The following SBF2 variants were observed in gnomAD, a reference collection of about 807,000 sequenced individuals.
SBF2 encodes the protein SET binding factor 2, also known as myotubularin-related protein 13.
SBF2 carries 112 observed loss-of-function variants against 225.2 expected under a neutral mutation model. That is an observed-to-expected ratio of 0.50 (90% confidence interval 0.43 to 0.58). The LOEUF is 0.58. Ranked by LOEUF, SBF2 falls within the 20% of genes least tolerant of loss-of-function variation. The pLI, the probability that SBF2 is intolerant of heterozygous loss-of-function variation, is 0.00. For synonymous variants in SBF2, 763 were observed against 773.3 expected, an observed-to-expected ratio of 0.99 and a Z score of 0.22; for missense variants, 1,996 against 2,206.2, an observed-to-expected ratio of 0.90 and a Z score of 1.91.
chr11:9,941,485 C>T (rs1173497402), intron 16 of SBF2, among the ~76,000 whole-genome samples: 5 of 152,212 alleles, frequency 3.3e-5, no homozygotes, highest in South Asian at 4.1e-4. Flanking sequence ...CATTTTTTGA[C>T]GTTAGTATAA....
intron 2 of SBF2, among the ~76,000 whole-genome samples, chr11:10,188,899 A>G (rs540769130): frequency 6.6e-6 from 1 of 152,316 alleles, no homozygotes; most frequent in East Asian, 1.9e-4. Context: ...TATAGTTCTT[A>G]GTATGTTTTA....
intron 13 of SBF2, among the ~76,000 whole-genome samples, chr11:9,984,611 G>A (rs1174159036): frequency 6.6e-6 from 1 of 152,074 alleles, no homozygotes; most frequent in Non-Finnish European, 1.5e-5. Context: ...AAAGATCTTC[G>A]CCTAGGCACA....
At chr11:10,159,650 C>CAT (rs1955638599) in intron 2 of SBF2, among the ~76,000 whole-genome samples, 1 of 152,124 alleles carries the variant, frequency 6.6e-6, no homozygotes, top group Admixed American at 6.5e-5. Context: ...TGCTTGTAAC[C>CAT]CTAGCACTTT....
intron 2 of SBF2, among the ~76,000 whole-genome samples, chr11:10,064,136 G>A (rs1186845222): frequency 6.6e-6 from 1 of 152,018 alleles, no homozygotes; most frequent in African/African-American, 2.4e-5. Context: ...TAACACTGCA[G>A]CATGGGGTTT....
At chr11:9,923,467 C>T (rs1348303448) in intron 16 of SBF2, among the ~76,000 whole-genome samples, 2 of 152,174 alleles carry the variant, frequency 1.3e-5, no homozygotes, top group Non-Finnish European at 2.9e-5. Context: ...AGAATGGTTT[C>T]AGTCTAAATG....
At chr11:10,132,381 C>G (rs1026567210) in intron 2 of SBF2, among the ~76,000 whole-genome samples, 1 of 152,062 alleles carries the variant, frequency 6.6e-6, no homozygotes, top group Non-Finnish European at 1.5e-5. Flanking sequence ...CGTGGACCCT[C>G]GCGGTGAGTG....
In SBF2 at chr11:9,853,619, A is replaced by C. The variant is rs746363004; in HGVS notation, c.2457T>G (p.Ile819Met). 2.2e-5 allele frequency: 36 copies of C among 1,613,996 alleles called. No homozygotes were observed. The highest frequency in any genetic ancestry group is 2.9e-5 in the Non-Finnish European group (34 of 1,179,922). Residue 819 changes from isoleucine to methionine, a missense_variant, in exon 20 of 40, where the codon ATT becomes ATG. By Grantham distance (10) the Ile-to-Met change is conservative (BLOSUM62 1). Transcript: ENST00000256190. ...TDIANSVVRF[I>M]TRFIDKVCTE... ...TACAAACTTTGTCAATAAATCGGGTAATGAACCGCACAACAGAATTGGCAA... is the reference window on the plus strand; with the variant it reads ...TACAAACTTTGTCAATAAATCGGGTCATGAACCGCACAACAGAATTGGCAA...
intron 1 of SBF2, among the ~76,000 whole-genome samples, chr11:10,234,054 A>T (rs183817251): frequency 4.7e-4 from 71 of 152,350 alleles, no homozygotes; most frequent in African/African-American, 1.7e-3. Flanking sequence ...TAATACTGAC[A>T]CATCAGTATT....
intron 4 of SBF2, among the ~76,000 whole-genome samples, chr11:10,030,174 A>C (rs1404660787): frequency 1.3e-5 from 2 of 152,210 alleles, no homozygotes; most frequent in Non-Finnish European, 2.9e-5. Flanking sequence ...TTTTGCCTCA[A>C]CTTAAGTCTG....
chr11:10,221,982 T>C (rs1305560367), intron 1 of SBF2, among the ~76,000 whole-genome samples: 4 of 152,272 alleles, frequency 2.6e-5, no homozygotes, highest in East Asian at 1.9e-4. Flanking sequence ...CCCAGAAAGG[T>C]AGAGACACAA....
intron 28 of SBF2, among the ~76,000 whole-genome samples, chr11:9,827,403 C>A (rs1436103471): frequency 6.6e-6 from 1 of 152,072 alleles, no homozygotes; most frequent in Non-Finnish European, 1.5e-5. Context: ...GTGGCACACA[C>A]CTGTAGTCTT....
intron 17 of SBF2, among the ~76,000 whole-genome samples, chr11:9,893,070 T>G (rs755517407): frequency 2.0e-5 from 3 of 152,182 alleles, no homozygotes; most frequent in Non-Finnish European, 4.4e-5. Context: ...TGAAAAAAAT[T>G]AATAATGTTA....
At chr11:9,800,531 C>A (rs1001632684) in intron 32 of SBF2, among the ~76,000 whole-genome samples, 1 of 151,892 alleles carries the variant, frequency 6.6e-6, no homozygotes, top group African/African-American at 2.4e-5. Context: ...CTCAGCCTCC[C>A]GAGTAGCTGG....
intron 13 of SBF2, among the ~76,000 whole-genome samples, chr11:9,985,451 T>C (rs1291338686): frequency 6.6e-6 from 1 of 152,182 alleles, no homozygotes; most frequent in Non-Finnish European, 1.5e-5. Flanking sequence ...GCTTCCCAAG[T>C]AGCTGGGATT....
intron 1 of SBF2, among the ~76,000 whole-genome samples, chr11:10,288,832 T>C (rs1484241507): frequency 1.3e-5 from 2 of 152,144 alleles, no homozygotes; most frequent in Non-Finnish European, 2.9e-5. Context: ...GGGGACAAAG[T>C]GCACACCAAT....
At chr11:9,878,338 T>C (rs190370995) in intron 17 of SBF2, among the ~76,000 whole-genome samples, 1 of 152,338 alleles carries the variant, frequency 6.6e-6, no homozygotes, top group East Asian at 1.9e-4. Context: ...TCCCATTCCG[T>C]AGGTTGCCTG....
At chr11:9,842,478 C>A in intron 25 of SBF2, 147 bp downstream of exon 25, 3 of 739,654 alleles carry the variant, frequency 4.1e-6, no homozygotes, top group South Asian at 3.5e-5. Context: ...ATATTTTTCC[C>A]CCAGTTCTAA....
chr11:9,972,372 T>C (rs750141812), intron 13 of SBF2, among the ~76,000 whole-genome samples: 4 of 152,218 alleles, frequency 2.6e-5, no homozygotes, highest in African/African-American at 9.6e-5. Context: ...TTCTATGGCA[T>C]GGTACCATGC....
Position 9,968,500 on chromosome 11 carries a change from T to C in SBF2, c.1441A>G (p.Thr481Ala). 1 of 1,614,142 alleles carries C rather than the reference T, an allele frequency of 6.2e-7. No individual in the cohort carries two copies. The highest frequency in any genetic ancestry group is 1.1e-5 in the South Asian group (1 of 91,074). ...TGAACTCGCAAATGGGATCCTTCTG[T>C]TGGCCGTGGAACTTTCTGGAATGCC... ...HMAFQKVPRPTEGSHLRVHIL... is the reference protein window; with the variant it reads ...HMAFQKVPRPAEGSHLRVHIL... Residue 481 changes from threonine (T) to alanine (A), a missense_variant, in exon 14 of 40, where the codon ACA (threonine) becomes GCA (alanine). Coordinates refer to ENST00000256190, the MANE Select transcript of SBF2 (RefSeq NM_030962.4).
Sources: allele counts gnomAD v4.1 joint callset (sites outside exome capture counted in the v4.1 genomes callset), GRCh38; gene constraint gnomAD v4.1.1; transcripts MANE v1.5; gene names NCBI Gene and HGNC (gene_info 2026-07-23, HGNC 2026-07-21).